The following DEPDC5 variants were observed in gnomAD, a reference collection of about 807,000 sequenced individuals.
DEPDC5 encodes DEP domain containing 5, GATOR1 subcomplex subunit.
A neutral mutation model predicts 217.3 loss-of-function variants in DEPDC5; 73 were observed. That is an observed-to-expected ratio of 0.34 (90% CI 0.28 to 0.41). The LOEUF (loss-of-function observed/expected upper bound fraction) is 0.41, where lower values mean the gene tolerates loss of function less well. Among genes scored for constraint, DEPDC5 ranks in the 10% least tolerant of loss-of-function variants. DEPDC5 has a pLI of 1.00. For missense variants in DEPDC5, 1,675 were observed against 2,070.1 expected, an observed-to-expected ratio of 0.81 and a Z score of 3.70; for synonymous variants, 733 against 756.7, an observed-to-expected ratio of 0.97 and a Z score of 0.51.
chr22:31,813,777 T>C (rs1454987526), intron 20 of DEPDC5: 1 of 152,100 alleles, frequency 6.6e-6, no homozygotes, highest in Non-Finnish European at 1.5e-5. Context: ...TATCACCATG[T>C]TGTCAGCCTT....
chr22:31,905,641 A>G (rs2093743929), intron 41 of DEPDC5, among the ~76,000 whole-genome samples: 1 of 151,968 alleles, frequency 6.6e-6, no homozygotes. Flanking sequence ...GGTAGGGAAC[A>G]TGGTAGGAGG....
rs148078558 is a variant in DEPDC5, at chr22:31,772,429, C to T, written c.413+3566C>T. ...CTGTATCTGCAGAGCCAGTGTTTAG[C>T]CATCACTGTGATTAGTGGTTCGAGT... On this transcript the variant is annotated intron_variant, in intron 7 of 42. Coordinates refer to ENST00000651528, the MANE Select transcript of DEPDC5 (RefSeq NM_001242896.3). Among the ~76,000 whole-genome samples the T allele has an allele frequency of 7.3e-3, 1,114 of 152,212 alleles. 8 individuals are homozygous for T. Among genetic ancestry groups the T allele is most frequent in the African/African-American group, 0.024 (986 of 41,538 alleles).
chr22:31,893,481 G>T, intron 38 of DEPDC5, 101 bp from the exon 39 acceptor site: 1 of 1,182,776 alleles, frequency 8.5e-7, no homozygotes, highest in Non-Finnish European at 1.1e-6. Context: ...TTTCTTTTAG[G>T]CACTTGTATA....
Position 31,792,017 on chromosome 22 carries a change from C to A in DEPDC5, c.625-16C>A. On this transcript the variant is annotated splice_polypyrimidine_tract_variant and intron_variant, in intron 10 of 42. Transcript: ENST00000651528. ...TGAAACAAACTTCAACCCTGTTGTT[C>A]TCTACTCATGCTTAGGAGAAGAACT... 1 of 1,562,312 alleles carries A rather than the reference C, an allele frequency of 6.4e-7. No individual in the cohort carries two copies. The highest frequency in any genetic ancestry group is 1.1e-5 in the South Asian group (1 of 89,984).
intron 32 of DEPDC5, chr22:31,859,084 T>TG (rs1256456080): frequency 5.3e-5 from 6 of 112,492 alleles, no homozygotes; most frequent in Non-Finnish European, 7.7e-5. Context: ...CCTTTGTTTT[T>TG]TTTTTTTTTT....
In DEPDC5 at chr22:31,773,492, C is replaced by T. The variant is rs536205321; in HGVS notation, c.414-4607C>T. Reference sequence around the variant, plus strand: ...TGCTGGGATTACAGGTATGAGCCACCGCAGCTGGCCTCTTTTAGACTTTTA... The same window carrying T: ...TGCTGGGATTACAGGTATGAGCCACTGCAGCTGGCCTCTTTTAGACTTTTA... On this transcript the variant is annotated intron_variant, in intron 7 of 42. Transcript: ENST00000651528. Among the ~76,000 whole-genome samples the T allele has an allele frequency of 5.1e-3, 782 of 152,236 alleles. 5 individuals carry two copies. The highest frequency in any genetic ancestry group is 8.7e-3 in the Non-Finnish European group (594 of 68,008).
chr22:31,893,926 T>C (rs565159778), intron 39 of DEPDC5, 175 bp downstream of exon 39: 1 of 732,186 alleles, frequency 1.4e-6, no homozygotes, highest in South Asian at 2.6e-5. Flanking sequence ...TTTTAAGCAA[T>C]CAAAAAAGGT....
intron 23 of DEPDC5, among the ~76,000 whole-genome samples, chr22:31,822,393 AAGGGAGGCATAGGGCAT>A (rs1353950547): frequency 6.6e-6 from 1 of 152,022 alleles, no homozygotes; most frequent in African/African-American, 2.4e-5. Context: ...TTGTTTGTAA[AAGGGAGGCATAGGGCAT>A]AGGGAGGCAT....
chr22:31,870,322 C>A (rs1189654446), intron 33 of DEPDC5, among the ~76,000 whole-genome samples: 2 of 152,090 alleles, frequency 1.3e-5, no homozygotes, highest in Non-Finnish European at 2.9e-5. Context: ...GAAGAGTGGC[C>A]TCTCATCTGC....
rs367749662 is a variant in DEPDC5, at chr22:31,830,178, A to G, written c.2105-3737A>G. ...TTGCCCCAGGCACAGGCTTCTAGAT[A>G]TGGGCTTGGAACTAGCCCTAGAGGC... On this transcript the variant is annotated intron_variant, in intron 24 of 42. Coordinates refer to ENST00000651528, the MANE Select transcript of DEPDC5 (RefSeq NM_001242896.3). 4.5e-4 allele frequency among the ~76,000 whole-genome samples: 68 copies of G among 152,348 alleles called. 1 individual carries two copies. The South Asian group carries it at 0.013, about 29-fold the overall frequency.
intron 30 of DEPDC5, among the ~76,000 whole-genome samples, chr22:31,846,564 G>A (rs1370374307): frequency 3.3e-5 from 5 of 152,184 alleles, no homozygotes; most frequent in Admixed American, 2.0e-4. Context: ...TTCTTCTTCT[G>A]TAAAATAGGG....
intron 18 of DEPDC5, among the ~76,000 whole-genome samples, chr22:31,807,783 A>T (rs931102685): frequency 6.6e-6 from 1 of 152,102 alleles, no homozygotes; most frequent in African/African-American, 2.4e-5. Flanking sequence ...GCAGGCTGTT[A>T]TGTTTGCAGG....
At chr22:31,806,256 G>C in intron 18 of DEPDC5, 65 bp downstream of exon 18, 1 of 1,380,266 alleles carries the variant, frequency 7.2e-7, no homozygotes, top group South Asian at 1.2e-5. Flanking sequence ...TGAGCTCCTG[G>C]ACTCAATCAG....
chr22:31,791,924 TCAAAAAA>T (rs2085697776), intron 10 of DEPDC5, 102 bp from the exon 11 acceptor site: 1 of 326,510 alleles, frequency 3.1e-6, no homozygotes, highest in South Asian at 3.3e-5. Flanking sequence ...AGACTCCGTC[TCAAAAAA>T]AAAAAAAAAA....
intron 33 of DEPDC5, among the ~76,000 whole-genome samples, chr22:31,869,290 G>C (rs1449506199): frequency 6.6e-6 from 1 of 151,970 alleles, no homozygotes; most frequent in African/African-American, 2.4e-5. Context: ...CAGCTTGGCA[G>C]CTACCAGAAG....
intron 20 of DEPDC5, 52 bp from the exon 21 acceptor site, chr22:31,814,940 G>A: frequency 1.9e-6 from 3 of 1,604,398 alleles, no homozygotes; most frequent in Admixed American, 1.7e-5. Context: ...TTTAACTCAA[G>A]GTAGGACAGC....
At chr22:31,799,898 G>A (rs953858510) in intron 14 of DEPDC5, among the ~76,000 whole-genome samples, 1 of 146,180 alleles carries the variant, frequency 6.8e-6, no homozygotes, top group Admixed American at 6.9e-5. Flanking sequence ...CAACTCCCAG[G>A]TTCAAGCGAT....
chr22:31,788,500 A>C (rs2085271083), intron 10 of DEPDC5, among the ~76,000 whole-genome samples: 1 of 150,304 alleles, frequency 6.7e-6, no homozygotes. Flanking sequence ...CTGATCTCGA[A>C]CTCCTGAGCT....
chr22:31,787,528 C>A (rs1211187960), intron 10 of DEPDC5, among the ~76,000 whole-genome samples: 1 of 152,096 alleles, frequency 6.6e-6, no homozygotes, highest in Non-Finnish European at 1.5e-5. Context: ...GTAAAGAGGC[C>A]AGACCTGCTG....
Sources: allele counts gnomAD v4.1 joint callset (sites outside exome capture counted in the v4.1 genomes callset), GRCh38; gene constraint gnomAD v4.1.1; transcripts MANE v1.5; gene names NCBI Gene and HGNC (gene_info 2026-07-23, HGNC 2026-07-21).